HS6ST3: variants seen among roughly 807,000 people sequenced by gnomAD.
HS6ST3 encodes heparan sulfate 6-O-sulfotransferase 3.
In HS6ST3, 12 loss-of-function variants were observed where a neutral mutation model predicts 36.7. The ratio of observed to expected loss-of-function variants is 0.33; its 90% confidence interval spans 0.21 to 0.53. The LOEUF is 0.53. Ranked by LOEUF, HS6ST3 falls within the 20% of genes least tolerant of loss-of-function variation. The pLI is 0.95. For synonymous variants in HS6ST3, 240 were observed against 257.5 expected (o/e 0.93, Z 0.65); for missense variants, 584 against 640.9 (o/e 0.91, Z 0.96).
intron 1 of HS6ST3, among the ~76,000 whole-genome samples, chr13:96,302,016 G>C (rs967347814): frequency 6.6e-6 from 1 of 150,984 alleles, no homozygotes; most frequent in Admixed American, 6.6e-5. Context: ...TAATATGATA[G>C]CATTAAGCTA....
chr13:96,163,942 A>G (rs1262993773), intron 1 of HS6ST3, among the ~76,000 whole-genome samples: 6 of 152,180 alleles, frequency 3.9e-5, no homozygotes, highest in Non-Finnish European at 8.8e-5. Context: ...GAAACATTTT[A>G]TAGTCTTGTT....
chr13:96,823,672 T>C (rs938320037), intron 1 of HS6ST3, among the ~76,000 whole-genome samples: 5 of 152,080 alleles, frequency 3.3e-5, no homozygotes, highest in African/African-American at 1.2e-4. Flanking sequence ...CAGGCTGGAG[T>C]GCAGTGGTGC....
At chr13:96,418,550 T>C (rs1470803669) in intron 1 of HS6ST3, among the ~76,000 whole-genome samples, 3 of 152,160 alleles carry the variant, frequency 2.0e-5, no homozygotes, top group Non-Finnish European at 4.4e-5. Flanking sequence ...TCTCCTTAAG[T>C]GGTAGCTCAG....
At chr13:96,630,777 C>A (rs114624474) in intron 1 of HS6ST3, among the ~76,000 whole-genome samples, 8,315 of 152,106 alleles carry the variant, frequency 0.055, 253 homozygotes, top group Middle Eastern at 0.088. Flanking sequence ...TCCTTATTTT[C>A]TCATCAGTTT....
At chr13:96,092,421 T>A (rs2053769519) in intron 1 of HS6ST3, among the ~76,000 whole-genome samples, 1 of 152,168 alleles carries the variant, frequency 6.6e-6, no homozygotes, top group Admixed American at 6.5e-5. Flanking sequence ...AAGTTAAAAA[T>A]CTTAATAGCC....
intron 1 of HS6ST3, among the ~76,000 whole-genome samples, chr13:96,405,623 G>A (rs534838050): frequency 2.6e-5 from 4 of 152,144 alleles, no homozygotes; most frequent in South Asian, 2.1e-4. Flanking sequence ...TAAATATTAA[G>A]CGCATCCTAT....
chr13:96,484,191 A>G (rs971712501), intron 1 of HS6ST3, among the ~76,000 whole-genome samples: 1 of 152,008 alleles, frequency 6.6e-6, no homozygotes, highest in East Asian at 1.9e-4. Context: ...GTATATGTTT[A>G]AAGTGTAAAA....
intron 1 of HS6ST3, among the ~76,000 whole-genome samples, chr13:96,435,424 A>C (rs542509139): frequency 6.6e-6 from 1 of 151,984 alleles, no homozygotes; most frequent in Non-Finnish European, 1.5e-5. Flanking sequence ...TGACATACCC[A>C]TCTGGCCAGC....
intron 1 of HS6ST3, among the ~76,000 whole-genome samples, chr13:96,568,283 T>C (rs2056288835): frequency 6.6e-6 from 1 of 152,082 alleles, no homozygotes; most frequent in Admixed American, 6.5e-5. Context: ...GAATCTTTTT[T>C]TGAGACAGAG....
chr13:96,616,221 G>A (rs960979540), intron 1 of HS6ST3, among the ~76,000 whole-genome samples: 2 of 152,090 alleles, frequency 1.3e-5, no homozygotes, highest in Non-Finnish European at 2.9e-5. Flanking sequence ...CATGGTAATG[G>A]TCTGGAATTC....
chr13:96,821,902 A>G (rs1310735198), intron 1 of HS6ST3, among the ~76,000 whole-genome samples: 5 of 152,250 alleles, frequency 3.3e-5, no homozygotes, highest in Admixed American at 3.3e-4. Flanking sequence ...AATATGCATC[A>G]GAGCTGTCAA....
chr13:96,485,712 C>A (rs185695809), intron 1 of HS6ST3, among the ~76,000 whole-genome samples: 7 of 152,052 alleles, frequency 4.6e-5, no homozygotes, highest in Admixed American at 4.6e-4. Flanking sequence ...TGATAGAATT[C>A]TTATAGATAT....
In HS6ST3 at chr13:96,421,165, C is replaced by G. The variant is rs77353104; in HGVS notation, c.707+329596C>G. On this transcript the variant is annotated intron_variant, in intron 1 of 1. Transcript: ENST00000376705. Reference sequence around the variant, plus strand: ...TCAATATTAACAAATGATAAATATTCAATATTTATCATTGAATTATTAAAA... The same window carrying G: ...TCAATATTAACAAATGATAAATATTGAATATTTATCATTGAATTATTAAAA... Among the ~76,000 whole-genome samples, 1,420 of 152,132 alleles carry G rather than the reference C, an allele frequency of 9.3e-3. 10 individuals carry two copies. Among genetic ancestry groups the G allele is most frequent in the Non-Finnish European group, 0.015 (1,039 of 68,002 alleles).
chr13:96,499,823 T>C (rs1013563007), intron 1 of HS6ST3, among the ~76,000 whole-genome samples: 1 of 152,150 alleles, frequency 6.6e-6, no homozygotes, highest in Admixed American at 6.5e-5. Context: ...TGCATCATAC[T>C]GGGCCTGGGC....
chr13:96,804,099 CA>C (rs775837672), intron 1 of HS6ST3, among the ~76,000 whole-genome samples: 20 of 151,204 alleles, frequency 1.3e-4, no homozygotes, highest in Non-Finnish European at 1.8e-4. Context: ...GGCAGTGGAG[CA>C]GTCACTTGTG....
At chr13:96,712,849 G>A (rs188523261) in intron 1 of HS6ST3, among the ~76,000 whole-genome samples, 1 of 152,312 alleles carries the variant, frequency 6.6e-6, no homozygotes, top group African/African-American at 2.4e-5. Context: ...CAGTGGAAAT[G>A]TAAGTGGTTC....
At chr13:96,798,051 C>T (rs964084627) in intron 1 of HS6ST3, among the ~76,000 whole-genome samples, 19 of 152,006 alleles carry the variant, frequency 1.2e-4, no homozygotes, top group African/African-American at 4.6e-4. Context: ...TCCCACAACC[C>T]CTTCTTTGGG....
At chr13:96,574,139 A>G in intron 1 of HS6ST3, 1 of 535,128 alleles carries the variant, frequency 1.9e-6, no homozygotes, top group South Asian at 1.4e-5. Context: ...TAGCCATTGC[A>G]TTTAAGGACA....
intron 1 of HS6ST3, among the ~76,000 whole-genome samples, chr13:96,487,536 C>T (rs569099367): frequency 2.0e-5 from 3 of 152,052 alleles, no homozygotes; most frequent in South Asian, 4.1e-4. Context: ...GGGCTGGTAT[C>T]GGGATTGCTT....
Sources: allele counts gnomAD v4.1 joint callset (sites outside exome capture counted in the v4.1 genomes callset), GRCh38; gene constraint gnomAD v4.1.1; transcripts MANE v1.5; gene names NCBI Gene and HGNC (gene_info 2026-07-23, HGNC 2026-07-21).